Variants in DACH1 observed in about 807,000 individuals in gnomAD.
DACH1 encodes the protein dachshund family transcription factor 1, also known as dachshund homolog 1.
Under a neutral mutation model 54.2 loss-of-function variants are expected in DACH1, and 12 were observed. That is an observed-to-expected ratio of 0.22 (90% CI 0.14 to 0.36). The LOEUF (loss-of-function observed/expected upper bound fraction) is 0.36. DACH1 is among the 10% of genes least tolerant of loss of function. The pLI, the probability that DACH1 is intolerant of heterozygous loss-of-function variation, is 1.00. For synonymous variants in DACH1, 386 were observed against 366.2 expected (o/e 1.05, Z -0.62); for missense variants, 805 against 929.8 (o/e 0.87, Z 1.75).
intron 2 of DACH1, among the ~76,000 whole-genome samples, chr13:71,655,875 C>T (rs1027829054): frequency 2.0e-5 from 3 of 151,852 alleles, no homozygotes; most frequent in Admixed American, 6.6e-5. Context: ...TACAAAATGT[C>T]AACATGGTCT....
intron 2 of DACH1, among the ~76,000 whole-genome samples, chr13:71,632,404 C>A (rs1223208412): frequency 6.8e-6 from 1 of 147,438 alleles, no homozygotes; most frequent in Non-Finnish European, 1.5e-5. Context: ...ATAAATATCC[C>A]CAACCCCACC....
In DACH1 at chr13:71,617,785, C is replaced by T. The variant is rs555195304; in HGVS notation, c.1126+12771G>A. Among the ~76,000 whole-genome samples, 28 of 152,096 alleles carry T rather than the reference C, an allele frequency of 1.8e-4. No homozygotes were observed. The East Asian group carries it at 3.9e-3, about 21-fold the overall frequency. On this transcript the variant is annotated intron_variant, in intron 3 of 10. Transcript: ENST00000613252. ...AAATTGAGCTCTTTTCACTCACGGA[C>T]GTAGGCTTGGCATCAATCATGGGGC...
rs927950051 is a variant in DACH1, at chr13:71,839,480, G to A, written c.848+26442C>T. On this transcript the variant is annotated intron_variant, in intron 1 of 10. Coordinates refer to ENST00000613252, the MANE Select transcript of DACH1 (RefSeq NM_080759.6). The stretch of plus-strand genomic sequence containing the variant: ...AAATTAGCCAGGTGTGGTGGCGGGC[G>A]CCTGTAGTCCCAGCTACTCGGGAGG... 4.6e-5 allele frequency among the ~76,000 whole-genome samples: 7 copies of A among 152,002 alleles called. No individual in the cohort carries two copies. The East Asian group carries it at 5.8e-4, about 13-fold the overall frequency.
intron 1 of DACH1, among the ~76,000 whole-genome samples, chr13:71,782,926 T>C (rs1345302152): frequency 6.6e-6 from 1 of 152,116 alleles, no homozygotes; most frequent in African/African-American, 2.4e-5. Context: ...CCAAAAATAT[T>C]TTTTAAAAAT....
At chr13:71,737,791 G>C (rs1884205592) in intron 1 of DACH1, among the ~76,000 whole-genome samples, 1 of 152,168 alleles carries the variant, frequency 6.6e-6, no homozygotes, top group Non-Finnish European at 1.5e-5. Context: ...TGGTGAAGTT[G>C]AGAGAAAATG....
intron 2 of DACH1, among the ~76,000 whole-genome samples, chr13:71,663,709 C>G (rs1879654244): frequency 6.6e-6 from 1 of 151,940 alleles, no homozygotes; most frequent in Non-Finnish European, 1.5e-5. Context: ...ATTAGCTTAT[C>G]TAACCCTGCT....
At chr13:71,736,727 G>GAA (rs1256540958) in intron 1 of DACH1, among the ~76,000 whole-genome samples, 1 of 152,114 alleles carries the variant, frequency 6.6e-6, no homozygotes, top group East Asian at 1.9e-4. Context: ...AATAGGATTA[G>GAA]AGCAGTAATA....
Position 71,866,224 on chromosome 13 carries a change from G to C in DACH1, c.546C>G (p.Thr182=). 6.2e-7 allele frequency: 1 copy of C among 1,612,594 alleles called. No individual in the cohort carries two copies. Among genetic ancestry groups the C allele is most frequent in the Non-Finnish European group, 8.5e-7 (1 of 1,179,300 alleles). The change falls in exon 1 of 11, where the codon ACC becomes ACG. Residue 182 remains threonine (T), a synonymous_variant. Coordinates refer to ENST00000613252, the MANE Select transcript of DACH1 (RefSeq NM_080759.6). ...CCATTTTGCACTCATTATTCTGAGG[G>C]GTGTTTTCCACTGGGGACGGGGTTG... The part of the protein sequence containing the change: ...VYSTPSPVEN[T]PQNNECKMVD...
At chr13:71,794,679 C>G (rs1383185491) in intron 1 of DACH1, among the ~76,000 whole-genome samples, 1 of 152,152 alleles carries the variant, frequency 6.6e-6, no homozygotes, top group Non-Finnish European at 1.5e-5. Context: ...CTCAGGTGAT[C>G]CTCCCACCTC....
chr13:71,531,679 G>T (rs994748138), intron 6 of DACH1, among the ~76,000 whole-genome samples: 1 of 151,896 alleles, frequency 6.6e-6, no homozygotes, highest in Non-Finnish European at 1.5e-5. Flanking sequence ...CACATCTGTG[G>T]AGATGACATT....
At chr13:71,537,134 T>G (rs906006300) in intron 6 of DACH1, among the ~76,000 whole-genome samples, 1 of 152,090 alleles carries the variant, frequency 6.6e-6, no homozygotes, top group African/African-American at 2.4e-5. Flanking sequence ...TTAATCTTTA[T>G]GCTCTGGCCA....
intron 1 of DACH1, among the ~76,000 whole-genome samples, chr13:71,723,490 T>C (rs1352078251): frequency 6.6e-6 from 1 of 152,126 alleles, no homozygotes; most frequent in Non-Finnish European, 1.5e-5. Context: ...TTTTAAGATA[T>C]TTTATAACTT....
intron 3 of DACH1, among the ~76,000 whole-genome samples, chr13:71,578,577 T>C (rs947662075): frequency 6.6e-5 from 10 of 152,214 alleles, no homozygotes; most frequent in African/African-American, 2.4e-4. Context: ...CTTTAGGTAT[T>C]CTTTTGAATA....
At chr13:71,507,062 T>C (rs1464321642) in intron 6 of DACH1, among the ~76,000 whole-genome samples, 1 of 151,510 alleles carries the variant, frequency 6.6e-6, no homozygotes, top group African/African-American at 2.4e-5. Flanking sequence ...AAATGGGATC[T>C]AATTAAACTA....
At chr13:71,678,498 T>C (rs946424020) in intron 2 of DACH1, among the ~76,000 whole-genome samples, 1 of 152,200 alleles carries the variant, frequency 6.6e-6, no homozygotes, top group South Asian at 2.1e-4. Context: ...TGTTTGAAAG[T>C]TGAAAGTAAG....
rs139853610 is a variant in DACH1 at position 71,482,620 on chromosome 13, A to T, written c.1723-3304T>A. Among the ~76,000 whole-genome samples, 200 of 152,252 alleles carry T rather than the reference A, an allele frequency of 1.3e-3. 2 individuals are homozygous for T. In the East Asian group the frequency reaches 0.031, roughly 24 times the overall value. ...AAGAGACTGACTGAAAATCCCAAAT[A>T]CTGAGTTGAGTGTGCCTAGATCAGA... On this transcript the variant is annotated intron_variant, in intron 7 of 10. Coordinates refer to ENST00000613252, the MANE Select transcript of DACH1 (RefSeq NM_080759.6).
intron 8 of DACH1, among the ~76,000 whole-genome samples, chr13:71,476,481 A>C (rs1742022516): frequency 6.6e-6 from 1 of 152,192 alleles, no homozygotes; most frequent in South Asian, 2.1e-4. Flanking sequence ...TTTCCTGAGA[A>C]TATTTTTCTC....
chr13:71,738,433 T>G (rs976751533), intron 1 of DACH1, among the ~76,000 whole-genome samples: 4 of 151,916 alleles, frequency 2.6e-5, no homozygotes, highest in African/African-American at 9.7e-5. Flanking sequence ...AAATGAAAAT[T>G]TAAAAGACAG....
chr13:71,549,263 A>G (rs1461303144), intron 6 of DACH1, among the ~76,000 whole-genome samples: 1 of 152,132 alleles, frequency 6.6e-6, no homozygotes, highest in Non-Finnish European at 1.5e-5. Flanking sequence ...TCTACTAGTA[A>G]TTTGTTCTCT....
Sources: gnomAD v4.1 joint callset for allele counts (sites outside exome capture counted in the v4.1 genomes callset) on GRCh38, gnomAD v4.1.1 for gene constraint, MANE v1.5 for transcripts, NCBI Gene and HGNC (gene_info 2026-07-23, HGNC 2026-07-21) for gene names.